The following EYS variants were observed in gnomAD, a reference collection of about 807,000 sequenced individuals.
The protein encoded by EYS is EGF-like photoreceptor maintenance factor.
In EYS, 250 loss-of-function variants were observed where a neutral mutation model predicts 282.1. The ratio of observed to expected loss-of-function variants is 0.89; its 90% CI spans 0.80 to 0.98. The LOEUF is 0.98. Among genes scored for constraint, EYS ranks in the 50% least tolerant of loss-of-function variants. The pLI is 0.00. For missense variants in EYS, 4,016 were observed against 3,709.0 expected (o/e 1.08, Z -2.15); for synonymous variants, 1,355 against 1,282.9 (o/e 1.06, Z -1.20).
intron 11 of EYS, among the ~76,000 whole-genome samples, chr6:65,321,434 T>A (rs1462355124): frequency 6.6e-6 from 1 of 151,930 alleles, no homozygotes; most frequent in African/African-American, 2.4e-5. Flanking sequence ...CCAGCTAGAA[T>A]AAATATTGAT....
rs373479571 is a variant in EYS, at chr6:65,648,314, A to ATATGTGTGTGTG, written c.-447-8423_-447-8422insCACACACACATA. 2.5e-3 allele frequency among the ~76,000 whole-genome samples: 367 copies of ATATGTGTGTGTG among 147,884 alleles called. 2 individuals carry two copies. Among genetic ancestry groups the ATATGTGTGTGTG allele is most frequent in the South Asian group, 9.6e-3 (44 of 4,568 alleles). On this transcript the variant is annotated intron_variant, in intron 1 of 42. Coordinates refer to ENST00000503581, the MANE Select transcript of EYS (RefSeq NM_001142800.2). ...ATCAATGAGTGGATAAAGAAAATAT[A>ATATGTGTGTGTG]TGTGTGTGTGTGTGTGTGTGTGTGT... is the stretch of plus-strand genomic sequence containing the variant.
intron 22 of EYS, among the ~76,000 whole-genome samples, chr6:64,786,839 A>G (rs1031390457): frequency 1.3e-5 from 2 of 152,018 alleles, no homozygotes; most frequent in Non-Finnish European, 2.9e-5. Flanking sequence ...CTTTGGAGCT[A>G]CTCTAGTGAT....
At chr6:64,949,030 A>T (rs1769392550) in intron 14 of EYS, among the ~76,000 whole-genome samples, 1 of 151,974 alleles carries the variant, frequency 6.6e-6, no homozygotes, top group Admixed American at 6.6e-5. Flanking sequence ...CTTATCAGTA[A>T]CAGATGTACT....
At position 65,296,128 on chromosome 6, in the gene EYS, C is replaced by G. The variant is rs1396865004; in HGVS notation, c.1767-9G>C. ...TAAGAGAACAGCTGCATCTGAAACA[C>G]AGAGAAATGAAAAACCCAATTAGTC... On this transcript the variant is annotated splice_polypyrimidine_tract_variant and intron_variant, in intron 11 of 42. Coordinates refer to ENST00000503581, the MANE Select transcript of EYS (RefSeq NM_001142800.2). 2 of 1,536,190 alleles carry G rather than the reference C, an allele frequency of 1.3e-6. No homozygotes were observed. Among genetic ancestry groups the G allele is most frequent in the Non-Finnish European group, 1.8e-6 (2 of 1,142,684 alleles).
chr6:64,244,040 C>A (rs1483170997), intron 30 of EYS, among the ~76,000 whole-genome samples: 1 of 152,058 alleles, frequency 6.6e-6, no homozygotes, highest in East Asian at 1.9e-4. Flanking sequence ...TTAATATATA[C>A]TCCATAAAAA....
chr6:64,834,577 T>A (rs1411980745), intron 19 of EYS, among the ~76,000 whole-genome samples: 1 of 151,804 alleles, frequency 6.6e-6, no homozygotes, highest in Non-Finnish European at 1.5e-5. Context: ...TAAGAAAACA[T>A]CTTATTGGAG....
At chr6:64,373,604 C>G (rs1417044039) in intron 29 of EYS, among the ~76,000 whole-genome samples, 1 of 152,134 alleles carries the variant, frequency 6.6e-6, no homozygotes, top group African/African-American at 2.4e-5. Context: ...CCGGGTGTTT[C>G]CAAGGCAACA....
chr6:65,259,805 A>T (rs1043214167), intron 12 of EYS, among the ~76,000 whole-genome samples: 6 of 152,048 alleles, frequency 3.9e-5, no homozygotes, highest in Non-Finnish European at 8.8e-5. Flanking sequence ...AATTCAACCA[A>T]AAGTACAGAA....
At chr6:64,077,303 T>C (rs571955221) in intron 32 of EYS, among the ~76,000 whole-genome samples, 2 of 152,174 alleles carry the variant, frequency 1.3e-5, no homozygotes, top group Admixed American at 6.6e-5. Context: ...GGGACTTCAT[T>C]GGCCTTGCCA....
At chr6:63,772,197 G>A (rs1397955192) in intron 40 of EYS, among the ~76,000 whole-genome samples, 1 of 151,212 alleles carries the variant, frequency 6.6e-6, no homozygotes, top group Non-Finnish European at 1.5e-5. Context: ...GTCTTGCTCT[G>A]TTGCCCAGGC....
intron 33 of EYS, among the ~76,000 whole-genome samples, chr6:64,016,524 C>G (rs1768900826): frequency 6.8e-6 from 1 of 147,558 alleles, no homozygotes; most frequent in African/African-American, 2.5e-5. Context: ...GGGTCTTGCT[C>G]CGTCACCCAG....
At chr6:64,099,469 A>T (rs1483141394) in intron 31 of EYS, among the ~76,000 whole-genome samples, 1 of 152,218 alleles carries the variant, frequency 6.6e-6, no homozygotes, top group African/African-American at 2.4e-5. Context: ...ATACCTTCAC[A>T]GTCTTGTCTC....
chr6:64,079,751 T>G (rs1000988485), intron 32 of EYS, among the ~76,000 whole-genome samples: 1 of 152,124 alleles, frequency 6.6e-6, no homozygotes, highest in South Asian at 2.1e-4. Context: ...GGCCCCTGTG[T>G]GTGATGTTCC....
At chr6:63,902,843 A>G (rs1453133245) in intron 35 of EYS, among the ~76,000 whole-genome samples, 1 of 152,224 alleles carries the variant, frequency 6.6e-6, no homozygotes, top group Non-Finnish European at 1.5e-5. Flanking sequence ...ATGGGCGGTA[A>G]CAGTATATGA....
At chr6:65,386,908 G>A (rs1379753753) in intron 7 of EYS, among the ~76,000 whole-genome samples, 1 of 151,638 alleles carries the variant, frequency 6.6e-6, no homozygotes, top group Non-Finnish European at 1.5e-5. Flanking sequence ...GGATTGTGAT[G>A]GAAATATTTA....
rs9342449 is a variant in EYS at position 64,889,242 on chromosome 6, G to A, written c.2847-2400C>T. 6.2e-4 allele frequency among the ~76,000 whole-genome samples: 94 copies of A among 151,592 alleles called. No individual in the cohort carries two copies. The East Asian group carries it at 0.011, about 17-fold the overall frequency. ...CTTTTGCTCCCCAAATTTTGTTTTCGGTGATTTTCATTATCTTAAATATAC... is the reference window on the plus strand; with the variant it reads ...CTTTTGCTCCCCAAATTTTGTTTTCAGTGATTTTCATTATCTTAAATATAC... On this transcript the variant is annotated intron_variant, in intron 18 of 42. Coordinates refer to ENST00000503581, the MANE Select transcript of EYS (RefSeq NM_001142800.2).
At chr6:64,979,281 G>A (rs914212382) in intron 14 of EYS, among the ~76,000 whole-genome samples, 18 of 151,616 alleles carry the variant, frequency 1.2e-4, no homozygotes, top group African/African-American at 3.6e-4. Flanking sequence ...TAACCAATGC[G>A]AACTTAAAAC....
chr6:65,497,903 T>C lies in EYS; in HGVS notation c.-332-1910A>G, dbSNP rs74716807. 5.6e-3 allele frequency among the ~76,000 whole-genome samples: 846 copies of C among 152,092 alleles called. 12 individuals carry two copies. Among genetic ancestry groups the C allele is most frequent in the African/African-American group, 0.019 (799 of 41,522 alleles). ...ACTCACTATAATTTAATAGCATTAG[T>C]CTAGTTTCAAGGTGAGGAACATATT... On this transcript the variant is annotated intron_variant, in intron 2 of 42. Coordinates refer to ENST00000503581, the MANE Select transcript of EYS (RefSeq NM_001142800.2).
At chr6:64,076,814 T>G (rs149467908) in intron 32 of EYS, among the ~76,000 whole-genome samples, 1,740 of 152,042 alleles carry the variant, frequency 0.011, 29 homozygotes, top group African/African-American at 0.039. Flanking sequence ...TGAGGAGATG[T>G]AAGCACAGAC....
Sources: gnomAD v4.1 joint callset for allele counts (sites outside exome capture counted in the v4.1 genomes callset) on GRCh38, gnomAD v4.1.1 for gene constraint, MANE v1.5 for transcripts, NCBI Gene and HGNC (gene_info 2026-07-23, HGNC 2026-07-21) for gene names.